Variants in ALDH2 observed in about 807,000 individuals in gnomAD.
The protein encoded by ALDH2 is aldehyde dehydrogenase, mitochondrial.
Under a neutral mutation model 59.6 loss-of-function variants are expected in ALDH2, and 44 were observed. The ratio of observed to expected loss-of-function variants is 0.74; its 90% CI spans 0.58 to 0.95. The LOEUF (loss-of-function observed/expected upper bound fraction) is 0.95. Among genes scored for constraint, ALDH2 ranks in the 40% least tolerant of loss-of-function variants. The pLI is 0.00. For synonymous variants in ALDH2, 291 were observed against 284.0 expected (o/e 1.02, Z -0.25); for missense variants, 570 against 696.3 (o/e 0.82, Z 2.04).
In ALDH2 at chr12:111,815,781, A is replaced by G. The variant is rs12814014; in HGVS notation, c.*6206A>G. 7.4e-6 allele frequency: 1 copy of G among 135,218 alleles called. No homozygotes were observed. The highest frequency in any genetic ancestry group is 2.4e-4 in the South Asian group (1 of 4,248). The allele number at this position is 135,218 out of a possible 1,614,324, so 8.4% of individuals were successfully genotyped here. A position where few individuals can be genotyped will look rare whatever the true frequency, so the allele number is the denominator to read the frequency against. ...TGCACTACCATGCATATATATATAT[A>G]TTTTTTTTTTTTTTTGAGAGAGAGA... On this transcript the variant is annotated 3_prime_UTR_variant, in exon 13 of 13. Coordinates refer to ENST00000261733, the MANE Select transcript of ALDH2 (RefSeq NM_000690.4).
In ALDH2 at chr12:111,817,266, G is replaced by T. The variant is rs945525449; in HGVS notation, c.*7691G>T. The stretch of plus-strand genomic sequence containing the variant: ...AATTATCATGCCTAAGGCTCTATGG[G>T]CACAATGAGTAAGTTGAGTTAGAAG... On this transcript the variant is annotated 3_prime_UTR_variant, in exon 13 of 13. Transcript: ENST00000261733. The T allele has an allele frequency of 6.6e-6, 1 of 152,198 alleles. No individual in the cohort carries two copies. The highest frequency in any genetic ancestry group is 1.5e-5 in the Non-Finnish European group (1 of 68,052). The allele number at this position is 152,198 out of a possible 1,614,324, so 9.4% of individuals were successfully genotyped here. A position where few individuals can be genotyped will look rare whatever the true frequency, so the allele number is the denominator to read the frequency against.
chr12:111,775,688 C>T, intron 1 of ALDH2: 3 of 455,790 alleles, frequency 6.6e-6, no homozygotes, highest in South Asian at 4.7e-5. Context: ...ATCCCCCCAC[C>T]ACGCCCCGCC....
chr12:111,791,950 C>A, intron 7 of ALDH2, 111 bp from the exon 8 acceptor site: 1 of 725,380 alleles, frequency 1.4e-6, no homozygotes, highest in South Asian at 1.6e-5. Flanking sequence ...CTAGGTCTCT[C>A]GTGGTCCAGT....
Position 111,781,922 on chromosome 12 carries a change from T to A in ALDH2, c.119T>A (p.Phe40Tyr). ...CTTCTTTCCTTCTCATTGTAGATTT[T>A]CATAAACAATGAATGGCACGATGCC... ...QQPEVFCNQI[F>Y]INNEWHDAVS... The change falls in exon 2 of 13, where the codon TTC (phenylalanine) becomes TAC (tyrosine). Residue 40 changes from phenylalanine to tyrosine, a missense_variant. By Grantham distance (22) the Phe-to-Tyr change is conservative. Coordinates refer to ENST00000261733, the MANE Select transcript of ALDH2 (RefSeq NM_000690.4). 1.2e-6 allele frequency: 2 copies of A among 1,613,088 alleles called. No individual in the cohort carries two copies. The highest frequency in any genetic ancestry group is 1.7e-6 in the Non-Finnish European group (2 of 1,179,160).
At position 111,781,837 on chromosome 12, in the gene ALDH2, G is replaced by T. The variant is rs984015883; in HGVS notation, c.115-81G>T. The T allele has an allele frequency of 6.8e-6, 6 of 886,260 alleles. No homozygotes were observed. The Admixed American group carries it at 1.3e-4, about 19-fold the overall frequency. The allele number at this position is 886,260 out of a possible 1,614,324, so 54.9% of individuals were successfully genotyped here. A position where few individuals can be genotyped will look rare whatever the true frequency, so the allele number is the denominator to read the frequency against. The stretch of plus-strand genomic sequence containing the variant: ...AATTAATTCATATTTGCTTTTTCTT[G>T]TTTTTTTTTTTCCTTACAATACTGG... On this transcript the variant is annotated intron_variant, in intron 1 of 12. Transcript: ENST00000261733.
rs904273975 is a variant in ALDH2, at chr12:111,809,547, C to T, written c.1526C>T (p.Thr509Ile). The T allele has an allele frequency of 9.3e-6, 15 of 1,614,026 alleles. No homozygotes were observed. Among genetic ancestry groups the T allele is most frequent in the Admixed American group, 3.3e-5 (2 of 60,000 alleles). ...LQAYTEVKTV[T>I]VKVPQKNS is the part of the protein sequence containing the mutation. ...GCTTCTCTGTCCCCCTTACAGGTCA[C>T]AGTCAAAGTGCCTCAGAAGAACTCA... The change falls in exon 13 of 13, where the codon ACA (threonine) becomes ATA (isoleucine). Residue 509 changes from threonine (T) to isoleucine (I), a missense_variant. Coordinates refer to ENST00000261733, the MANE Select transcript of ALDH2 (RefSeq NM_000690.4).
At chr12:111,791,249 T>G in intron 6 of ALDH2, 57 bp from the exon 7 acceptor site, 2 of 1,330,682 alleles carry the variant, frequency 1.5e-6, no homozygotes, top group Non-Finnish European at 2.1e-6. Context: ...CTTCCCCTGG[T>G]TGAGCCCTTC....
In ALDH2 at chr12:111,790,433, G is replaced by C; in HGVS notation, c.553-1G>C. The stretch of plus-strand genomic sequence containing the variant: ...TCGAGGGCTGCTGTTGTTTGTTGCA[G>C]TGGAATTTCCCGCTCCTGATGCAAG... On this transcript the variant is annotated splice_acceptor_variant, in intron 5 of 12. Coordinates refer to ENST00000261733, the MANE Select transcript of ALDH2 (RefSeq NM_000690.4). LOFTEE classifies it high-confidence loss of function. 2 of 1,614,170 alleles carry C rather than the reference G, an allele frequency of 1.2e-6. No homozygotes were observed. The highest frequency in any genetic ancestry group is 1.7e-6 in the Non-Finnish European group (2 of 1,180,026).
chr12:111,789,483 C>T lies in ALDH2; in HGVS notation c.441-340C>T, dbSNP rs529005365. ...CTCCATCCTGGGAGACAGAGCGAGA[C>T]GCTGTCTCAAAAAAAAAAAAAGAAA... On this transcript the variant is annotated intron_variant, in intron 4 of 12. Coordinates refer to ENST00000261733, the MANE Select transcript of ALDH2 (RefSeq NM_000690.4). 3.1e-4 allele frequency among the ~76,000 whole-genome samples: 44 copies of T among 142,104 alleles called. 1 individual carries two copies. The South Asian group carries it at 6.3e-3, about 20-fold the overall frequency. 93.2% of individuals were successfully genotyped at this position (142,104 alleles called of 152,430 possible).
chr12:111,786,299 C>T (rs1027952382), intron 4 of ALDH2, among the ~76,000 whole-genome samples: 1 of 151,996 alleles, frequency 6.6e-6, no homozygotes, highest in African/African-American at 2.4e-5. Flanking sequence ...TGCAGTGGTG[C>T]GATCTCAGCT....
intron 3 of ALDH2, among the ~76,000 whole-genome samples, chr12:111,783,858 A>G (rs907357863): frequency 2.0e-5 from 3 of 151,848 alleles, no homozygotes; most frequent in African/African-American, 7.3e-5. Context: ...GGGAGGGGAG[A>G]GGAGCTGTGT....
rs1204011008 is a variant in ALDH2, at chr12:111,811,077, CTA to C, written c.*1505_*1506del. On this transcript the variant is annotated 3_prime_UTR_variant, in exon 13 of 13. Coordinates refer to ENST00000261733, the MANE Select transcript of ALDH2 (RefSeq NM_000690.4). ...AAAGGCCGGGCACAGTGGCTCACGC[CTA>C]TAATTCCAGCACTTTGGGAGGCCAA... 6.6e-6 allele frequency: 1 copy of C among 151,854 alleles called. No individual in the cohort carries two copies. Among genetic ancestry groups the C allele is most frequent in the Non-Finnish European group, 1.5e-5 (1 of 68,050 alleles). 9.4% of individuals were successfully genotyped at this position (151,854 alleles called of 1,614,324 possible). A position where few individuals can be genotyped will look rare whatever the true frequency, so the allele number is the denominator to read the frequency against.
chr12:111,791,257 T>G (rs1272595762), intron 6 of ALDH2, 49 bp from the exon 7 acceptor site: 1 of 1,443,320 alleles, frequency 6.9e-7, no homozygotes, highest in East Asian at 2.3e-5. Flanking sequence ...GGTTGAGCCC[T>G]TCAGAATAGG....
In ALDH2 at chr12:111,814,502, T is replaced by C. The variant is rs1391136578; in HGVS notation, c.*4927T>C. The C allele has an allele frequency of 7.0e-6, 1 of 143,460 alleles. No homozygotes were observed. The highest frequency in any genetic ancestry group is 1.5e-5 in the Non-Finnish European group (1 of 67,006). 8.9% of individuals were successfully genotyped at this position (143,460 alleles called of 1,614,324 possible). A position where few individuals can be genotyped will look rare whatever the true frequency, so the allele number is the denominator to read the frequency against. ...TTGCAGTGAGCTAAGATCGCACCACTGCACTCCAGCCTGGGTGACAGAACG... is the reference window on the plus strand; with the variant it reads ...TTGCAGTGAGCTAAGATCGCACCACCGCACTCCAGCCTGGGTGACAGAACG... On this transcript the variant is annotated 3_prime_UTR_variant, in exon 13 of 13. Transcript: ENST00000261733.
Position 111,766,988 on chromosome 12 carries a change from G to T in ALDH2, c.6G>T (p.Leu2Phe). 6.6e-7 allele frequency: 1 copy of T among 1,521,794 alleles called. No homozygotes were observed. Among genetic ancestry groups the T allele is most frequent in the African/African-American group, 1.4e-5 (1 of 70,488 alleles). The allele number at this position is 1,521,794 out of a possible 1,614,324, so 94.3% of individuals were successfully genotyped here. ...CTGTCCGCTAGCCCGCTGCGATGTT[G>T]CGCGCTGCCGCCCGCTTCGGGCCCC... M[L>F]RAAARFGPRL... Residue 2 changes from leucine (L) to phenylalanine (F), a missense_variant, in exon 1 of 13, where the codon TTG (leucine) becomes TTT (phenylalanine). Physicochemically the swap from Leu to Phe is conservative, Grantham distance 22. Coordinates refer to ENST00000261733, the MANE Select transcript of ALDH2 (RefSeq NM_000690.4).
At chr12:111,805,312 G>A (rs2068485599) in intron 12 of ALDH2, among the ~76,000 whole-genome samples, 1 of 152,086 alleles carries the variant, frequency 6.6e-6, no homozygotes, top group Non-Finnish European at 1.5e-5. Flanking sequence ...TGAGCCACAA[G>A]TTTGAAGCTA....
In ALDH2 at chr12:111,779,994, C is replaced by T. The variant is rs1020063725; in HGVS notation, c.115-1924C>T. ...GCAACTTCTGCCTCCTGGGTTCAAG[C>T]GATTCTCCTGCCTCAGCCTCCCGAG... On this transcript the variant is annotated intron_variant, in intron 1 of 12. Transcript: ENST00000261733. Among the ~76,000 whole-genome samples, 24 of 152,042 alleles carry T rather than the reference C, an allele frequency of 1.6e-4. 1 individual carries two copies. Among genetic ancestry groups the T allele is most frequent in the African/African-American group, 7.2e-5 (3 of 41,386 alleles).
Position 111,782,069 on chromosome 12 carries a change from A to G in ALDH2, c.219+47A>G, listed in dbSNP as rs539281413. On this transcript the variant is annotated intron_variant, in intron 2 of 12. Coordinates refer to ENST00000261733, the MANE Select transcript of ALDH2 (RefSeq NM_000690.4). Reference sequence around the variant, plus strand: ...TGGGGGAGGGATGGATTCGTCTTCTATTTTATACGTTTTTGTGTGGTGAAA... The same window carrying G: ...TGGGGGAGGGATGGATTCGTCTTCTGTTTTATACGTTTTTGTGTGGTGAAA... The G allele has an allele frequency of 1.3e-5, 18 of 1,435,918 alleles. No homozygotes were observed. The East Asian group carries it at 4.1e-4, about 33-fold the overall frequency. 88.9% of individuals were successfully genotyped at this position (1,435,918 alleles called of 1,614,324 possible). A position where few individuals can be genotyped will look rare whatever the true frequency, so the allele number is the denominator to read the frequency against.
intron 6 of ALDH2, among the ~76,000 whole-genome samples, chr12:111,790,907 A>T (rs1416623501): frequency 6.6e-6 from 1 of 152,118 alleles, no homozygotes; most frequent in Non-Finnish European, 1.5e-5. Flanking sequence ...ATTAAAAATC[A>T]GCTGGGTGGC....
Sources: gnomAD v4.1 joint callset for allele counts (sites outside exome capture counted in the v4.1 genomes callset) on GRCh38, gnomAD v4.1.1 for gene constraint, MANE v1.5 for transcripts, NCBI Gene and HGNC (gene_info 2026-07-23, HGNC 2026-07-21) for gene names.